Variants in CTNND2 observed in about 807,000 individuals in gnomAD.
The protein encoded by CTNND2 is catenin delta 2, also known as catenin delta-2.
In CTNND2, 22 loss-of-function variants were observed where a neutral mutation model predicts 144.4. The observed-to-expected ratio is 0.15, with a 90% CI of 0.11 to 0.22. The LOEUF (loss-of-function observed/expected upper bound fraction) is 0.22, where lower values mean the gene tolerates loss of function less well. Among genes scored for constraint, CTNND2 ranks in the 10% least tolerant of loss-of-function variants. The pLI is 1.00. For synonymous variants in CTNND2, 751 were observed against 695.6 expected (o/e 1.08, Z -1.25); for missense variants, 1,353 against 1,618.8 (o/e 0.84, Z 2.82).
intron 2 of CTNND2, among the ~76,000 whole-genome samples, chr5:11,678,749 A>G (rs1398721547): frequency 6.6e-6 from 1 of 152,136 alleles, no homozygotes; most frequent in Non-Finnish European, 1.5e-5. Flanking sequence ...AAAGTACTAT[A>G]TTAAGAGTAT....
chr5:11,107,673 T>C (rs1363674670), intron 14 of CTNND2, among the ~76,000 whole-genome samples: 1 of 152,240 alleles, frequency 6.6e-6, no homozygotes, highest in Non-Finnish European at 1.5e-5. Context: ...AACAGTAATT[T>C]AGATGGTGCA....
chr5:11,454,482 A>T (rs535407841), intron 3 of CTNND2, among the ~76,000 whole-genome samples: 1 of 152,330 alleles, frequency 6.6e-6, no homozygotes, highest in South Asian at 2.1e-4. Flanking sequence ...GTATATGTTC[A>T]AAAACAATTT....
At chr5:11,333,936 C>T (rs999646571) in intron 9 of CTNND2, among the ~76,000 whole-genome samples, 1 of 152,140 alleles carries the variant, frequency 6.6e-6, no homozygotes, top group African/African-American at 2.4e-5. Context: ...AGGTGTGAAC[C>T]CCAGGAGACC....
At chr5:11,241,542 AG>A (rs1742450949) in intron 9 of CTNND2, among the ~76,000 whole-genome samples, 2 of 152,226 alleles carry the variant, frequency 1.3e-5, no homozygotes, top group Non-Finnish European at 2.9e-5. Context: ...TCACTGCAGC[AG>A]TTACCCACTA....
At chr5:11,632,300 A>C (rs1351727628) in intron 2 of CTNND2, among the ~76,000 whole-genome samples, 4 of 152,310 alleles carry the variant, frequency 2.6e-5, no homozygotes, top group African/African-American at 9.6e-5. Flanking sequence ...AGAGACAGTG[A>C]GACAGCCTAG....
intron 13 of CTNND2, among the ~76,000 whole-genome samples, chr5:11,114,327 G>A (rs61754589): frequency 6.6e-6 from 1 of 152,078 alleles, no homozygotes; most frequent in African/African-American, 2.4e-5. Flanking sequence ...CTGCAGCTGG[G>A]GAGATGATTT....
At chr5:11,839,784 T>TAGAGAGAG (rs113307076) in intron 1 of CTNND2, among the ~76,000 whole-genome samples, 8,196 of 145,758 alleles carry the variant, frequency 0.056, 679 homozygotes, top group African/African-American at 0.19. Flanking sequence ...TAGACATAGG[T>TAGAGAGAG]AGAGAGAGAG....
chr5:11,395,746 T>C (rs968526198), intron 6 of CTNND2, among the ~76,000 whole-genome samples: 2 of 152,212 alleles, frequency 1.3e-5, no homozygotes, highest in Non-Finnish European at 2.9e-5. Context: ...AAGAAGGTAA[T>C]GACATTTTAA....
At chr5:11,083,832 T>A in intron 15 of CTNND2, 198 of 832,834 alleles carry the variant, frequency 2.4e-4, no homozygotes, top group East Asian at 3.5e-4. Flanking sequence ...CCAGGCCACC[T>A]CCACCCCCCT....
chr5:11,894,595 G>C (rs1737250046), intron 1 of CTNND2, among the ~76,000 whole-genome samples: 1 of 152,152 alleles, frequency 6.6e-6, no homozygotes. Context: ...TGCATCAAAA[G>C]TTCCAGAGAA....
intron 18 of CTNND2, among the ~76,000 whole-genome samples, chr5:11,000,823 C>A (rs1357461942): frequency 6.6e-6 from 1 of 151,992 alleles, no homozygotes; most frequent in African/African-American, 2.4e-5. Context: ...ATGCCTGGGC[C>A]CCAGCCCTGA....
At chr5:11,676,773 G>T (rs760823400) in intron 2 of CTNND2, among the ~76,000 whole-genome samples, 1 of 151,950 alleles carries the variant, frequency 6.6e-6, no homozygotes, top group Non-Finnish European at 1.5e-5. Flanking sequence ...TGTATTTTAC[G>T]TTCTACTGCA....
rs1448730624 is a variant in CTNND2, at chr5:11,236,799, T to A, written c.1653A>T (p.Glu551Asp). ...GCAACATCTGAATCACTTCCGGCAGTTCCGGGTCTCTCCATCCAAATTCTC... is the reference window on the plus strand; with the variant it reads ...GCAACATCTGAATCACTTCCGGCAGATCCGGGTCTCTCCATCCAAATTCTC... ...DPREFGWRDP[E>D]LPEVIQMLQH... is the part of the protein sequence containing the mutation. The change falls in exon 10 of 22, where the codon GAA becomes GAT. Residue 551 changes from glutamate to aspartate, a missense_variant. Glu to Asp is a conservative substitution (Grantham distance 45). This residue lies in a region of CTNND2 where 69 missense variants were observed against 120.3 expected (regional missense o/e 0.57). Coordinates refer to ENST00000304623, the MANE Select transcript of CTNND2 (RefSeq NM_001332.4). 1 of 1,614,154 alleles carries A rather than the reference T, an allele frequency of 6.2e-7. No individual in the cohort carries two copies.
chr5:11,093,824 T>A (rs1751035623), intron 15 of CTNND2, among the ~76,000 whole-genome samples: 1 of 152,226 alleles, frequency 6.6e-6, no homozygotes, highest in African/African-American at 2.4e-5. Flanking sequence ...AATTCAATAC[T>A]TTTTTCTGAA....
intron 1 of CTNND2, among the ~76,000 whole-genome samples, chr5:11,743,441 G>A (rs991071446): frequency 6.6e-6 from 1 of 152,184 alleles, no homozygotes; most frequent in African/African-American, 2.4e-5. Context: ...TACACTTTGG[G>A]TAAGTGGCTT....
chr5:11,040,489 A>G (rs1011815561), intron 16 of CTNND2, among the ~76,000 whole-genome samples: 3 of 152,178 alleles, frequency 2.0e-5, no homozygotes, highest in Middle Eastern at 3.2e-3. Flanking sequence ...GACAAAAGGA[A>G]TTGTATGTTT....
rs142623585 is a variant in CTNND2 at position 11,405,044 on chromosome 5, G to A, written c.439+6492C>T. Reference sequence around the variant, plus strand: ...TAAGGCTTTCTCACTGGGGCTGGCAGCGTCTTTGCTTTTTCTCATACCTAT... The same window carrying A: ...TAAGGCTTTCTCACTGGGGCTGGCAACGTCTTTGCTTTTTCTCATACCTAT... On this transcript the variant is annotated intron_variant, in intron 5 of 21. Coordinates refer to ENST00000304623, the MANE Select transcript of CTNND2 (RefSeq NM_001332.4). 2.0e-5 allele frequency among the ~76,000 whole-genome samples: 3 copies of A among 152,290 alleles called. No individual in the cohort carries two copies. The East Asian group carries it at 5.8e-4, about 29-fold the overall frequency.
At chr5:11,098,032 T>A (rs1310867092) in intron 15 of CTNND2, among the ~76,000 whole-genome samples, 1 of 152,206 alleles carries the variant, frequency 6.6e-6, no homozygotes, top group Non-Finnish European at 1.5e-5. Flanking sequence ...GCTGTTCTAA[T>A]CTCCTCTCCA....
At chr5:10,994,525 G>A (rs1739134730) in intron 18 of CTNND2, among the ~76,000 whole-genome samples, 1 of 151,550 alleles carries the variant, frequency 6.6e-6, no homozygotes, top group Non-Finnish European at 1.5e-5. Context: ...GAGGATGCTG[G>A]CATCTCTATT....
Sources: allele counts gnomAD v4.1 joint callset (sites outside exome capture counted in the v4.1 genomes callset), GRCh38; gene constraint gnomAD v4.1.1; regional missense constraint gnomAD v4.1.1; transcripts MANE v1.5; gene names NCBI Gene and HGNC (gene_info 2026-07-23, HGNC 2026-07-21).